The following COMMD10 variants were observed in gnomAD, a reference collection of about 807,000 sequenced individuals.
COMMD10 encodes the protein COMM domain containing 10, also known as COMM domain-containing protein 10.
A neutral mutation model predicts 28.9 loss-of-function variants in COMMD10; 33 were observed. The observed-to-expected ratio is 1.14, with a 90% CI of 0.87 to 1.53. The LOEUF is 1.53. Among genes scored for constraint, COMMD10 ranks in the 40% most tolerant of loss-of-function variants. COMMD10 has a pLI of 0.00. For synonymous variants in COMMD10, 110 were observed against 81.7 expected (o/e 1.35, Z -1.87); for missense variants, 310 against 233.4 (o/e 1.33, Z -2.14).
chr5:116,103,254 C>A (rs189345776), intron 4 of COMMD10, among the ~76,000 whole-genome samples: 93 of 152,274 alleles, frequency 6.1e-4, no homozygotes, highest in African/African-American at 1.9e-3. Context: ...CACTGTCTTC[C>A]ACAATGGTTG....
At chr5:116,195,530 T>G (rs1270957409) in intron 5 of COMMD10, among the ~76,000 whole-genome samples, 1 of 151,680 alleles carries the variant, frequency 6.6e-6, no homozygotes, top group African/African-American at 2.4e-5. Flanking sequence ...AAACAGAGAA[T>G]CAAGTCAAGA....
chr5:116,179,517 G>T (rs1747874965), intron 5 of COMMD10, among the ~76,000 whole-genome samples: 1 of 152,080 alleles, frequency 6.6e-6, no homozygotes, highest in African/African-American at 2.4e-5. Context: ...GAAGGTTATG[G>T]GTAGGTGGTG....
intron 5 of COMMD10, among the ~76,000 whole-genome samples, chr5:116,150,993 G>C (rs867624068): frequency 2.6e-5 from 4 of 151,684 alleles, no homozygotes; most frequent in Non-Finnish European, 5.9e-5. Context: ...TTGGCTGTGG[G>C]TTTGTCATAG....
rs562173857 is a variant in COMMD10 at position 116,219,487 on chromosome 5, G to T, written c.511-72030G>T. On this transcript the variant is annotated intron_variant, in intron 5 of 6. Coordinates refer to ENST00000274458, the MANE Select transcript of COMMD10 (RefSeq NM_016144.4). ...ATGTCCTTATAAGAGAGAGGCAGAG[G>T]GAGATTTGACACAGACATACATAAG... 2.8e-4 allele frequency among the ~76,000 whole-genome samples: 43 copies of T among 152,210 alleles called. No individual in the cohort carries two copies. In the South Asian group the frequency reaches 8.7e-3, roughly 31 times the overall value.
chr5:116,268,863 C>T (rs1475193530), intron 5 of COMMD10, among the ~76,000 whole-genome samples: 2 of 151,356 alleles, frequency 1.3e-5, no homozygotes, highest in African/African-American at 2.4e-5. Context: ...AACCAAACAC[C>T]GCATATTCTC....
intron 4 of COMMD10, among the ~76,000 whole-genome samples, chr5:116,103,032 G>A (rs1376453633): frequency 6.6e-6 from 1 of 152,132 alleles, no homozygotes; most frequent in African/African-American, 2.4e-5. Context: ...ATTCCATGGT[G>A]TATATGTGCC....
In COMMD10 at chr5:116,292,639, A is replaced by G. The variant is rs916108164; in HGVS notation, c.*150A>G. ...TCACTTCTTAGACAAATAACAACCA[A>G]TAGAGATCATTGTTAAGAATACTGA... On this transcript the variant is annotated 3_prime_UTR_variant, in exon 7 of 7. Coordinates refer to ENST00000274458, the MANE Select transcript of COMMD10 (RefSeq NM_016144.4). The G allele has an allele frequency of 3.3e-5, 17 of 511,102 alleles. No homozygotes were observed. The highest frequency in any genetic ancestry group is 6.0e-5 in the East Asian group (2 of 33,266). 31.7% of individuals were successfully genotyped at this position (511,102 alleles called of 1,614,324 possible).
chr5:116,187,685 G>A (rs1249343107), intron 5 of COMMD10, among the ~76,000 whole-genome samples: 1 of 151,966 alleles, frequency 6.6e-6, no homozygotes, highest in East Asian at 1.9e-4. Context: ...ACGGAAATTT[G>A]GAAATGAATA....
At chr5:116,250,548 A>G (rs1054241864) in intron 5 of COMMD10, among the ~76,000 whole-genome samples, 3 of 151,750 alleles carry the variant, frequency 2.0e-5, no homozygotes, top group Non-Finnish European at 4.4e-5. Flanking sequence ...CCTTCCTGAC[A>G]CCTCACCTCA....
At chr5:116,165,433 A>G (rs1266494777) in intron 5 of COMMD10, among the ~76,000 whole-genome samples, 7 of 152,198 alleles carry the variant, frequency 4.6e-5, no homozygotes, top group Admixed American at 4.6e-4. Context: ...CCAAAACAAA[A>G]TATCACAGGG....
intron 4 of COMMD10, among the ~76,000 whole-genome samples, chr5:116,118,182 C>T (rs1197413608): frequency 3.9e-5 from 6 of 152,182 alleles, no homozygotes; most frequent in Admixed American, 3.9e-4. Flanking sequence ...TTAAATGTCA[C>T]ATTTGTCAGT....
intron 5 of COMMD10, among the ~76,000 whole-genome samples, chr5:116,149,694 G>GA (rs1259092492): frequency 6.7e-6 from 1 of 149,958 alleles, no homozygotes; most frequent in African/African-American, 2.5e-5. Context: ...CCCACTTTTT[G>GA]ATGGGGTTGT....
In COMMD10 at chr5:116,291,814, T is replaced by C. The variant is rs564043255; in HGVS notation, c.570+238T>C. 9.9e-5 allele frequency among the ~76,000 whole-genome samples: 15 copies of C among 152,244 alleles called. No homozygotes were observed. The South Asian group carries it at 3.1e-3, about 32-fold the overall frequency. On this transcript the variant is annotated intron_variant, in intron 6 of 6. Transcript: ENST00000274458. ...TAAAGCAATAGGATTGTTGCTTTAATATAAAACATTAAGTAATGAACTTTG... is the reference window on the plus strand; with the variant it reads ...TAAAGCAATAGGATTGTTGCTTTAACATAAAACATTAAGTAATGAACTTTG...
rs113622869 is a variant in COMMD10, at chr5:116,232,346, TA to T, written c.511-59160del. Among the ~76,000 whole-genome samples the T allele has an allele frequency of 3.5e-3, 511 of 144,384 alleles. 4 individuals are homozygous for T. The highest frequency in any genetic ancestry group is 0.029 in the East Asian group (146 of 4,980). 94.7% of individuals were successfully genotyped at this position (144,384 alleles called of 152,430 possible). A position where few individuals can be genotyped will look rare whatever the true frequency, so the allele number is the denominator to read the frequency against. The stretch of plus-strand genomic sequence containing the variant: ...ATACACAGACTGAATATCACTGTCC[TA>T]AAAAAAAAAAGGCTTTTAAATTGAA... On this transcript the variant is annotated intron_variant, in intron 5 of 6. Coordinates refer to ENST00000274458, the MANE Select transcript of COMMD10 (RefSeq NM_016144.4).
chr5:116,117,743 G>C (rs543507223), intron 4 of COMMD10, among the ~76,000 whole-genome samples: 6 of 152,102 alleles, frequency 3.9e-5, no homozygotes, highest in Admixed American at 2.0e-4. Flanking sequence ...TAGGATTACA[G>C]GTGTGAGCCA....
At chr5:116,229,005 G>C (rs897258408) in intron 5 of COMMD10, among the ~76,000 whole-genome samples, 1 of 151,892 alleles carries the variant, frequency 6.6e-6, no homozygotes, top group Non-Finnish European at 1.5e-5. Context: ...ATAAATATTT[G>C]CCTATAGACA....
At chr5:116,127,329 G>C (rs1561617754) in intron 4 of COMMD10, among the ~76,000 whole-genome samples, 1 of 152,178 alleles carries the variant, frequency 6.6e-6, no homozygotes, top group Non-Finnish European at 1.5e-5. Flanking sequence ...CCTTTGGTGG[G>C]AGTGTAAACT....
chr5:116,268,546 T>C (rs1750665584), intron 5 of COMMD10, among the ~76,000 whole-genome samples: 1 of 151,910 alleles, frequency 6.6e-6, no homozygotes, highest in Non-Finnish European at 1.5e-5. Flanking sequence ...AGTGTGGCGA[T>C]TCCTCAAGGA....
chr5:116,144,610 C>G (rs145506671), intron 5 of COMMD10, among the ~76,000 whole-genome samples: 389 of 151,788 alleles, frequency 2.6e-3, no homozygotes, highest in Non-Finnish European at 4.4e-3. Flanking sequence ...GGAAATATTT[C>G]AAGATGGAGG....
Sources: allele counts gnomAD v4.1 joint callset (sites outside exome capture counted in the v4.1 genomes callset), GRCh38; gene constraint gnomAD v4.1.1; transcripts MANE v1.5; gene names NCBI Gene and HGNC (gene_info 2026-07-23, HGNC 2026-07-21).